Variants in TENT2 observed in about 807,000 individuals in gnomAD.
TENT2 encodes terminal nucleotidyltransferase 2.
TENT2 carries 44 observed loss-of-function variants against 72.2 expected under a neutral mutation model. The ratio of observed to expected loss-of-function variants is 0.61; its 90% CI spans 0.48 to 0.78. The LOEUF (loss-of-function observed/expected upper bound fraction) is 0.78, where lower values mean the gene tolerates loss of function less well. TENT2 is among the 30% of genes least tolerant of loss of function. The probability of loss-of-function intolerance (pLI) is 0.00; values close to 1 mark genes in which losing one functional copy is unlikely to be tolerated. For synonymous variants in TENT2, 212 were observed against 192.5 expected (o/e 1.10, Z -0.84); for missense variants, 541 against 569.6 (o/e 0.95, Z 0.51).
chr5:79,619,718 A>T lies in TENT2; in HGVS notation c.70A>T (p.Thr24Ser). 1 of 1,613,852 alleles carries T rather than the reference A, an allele frequency of 6.2e-7. No individual in the cohort carries two copies. The highest frequency in any genetic ancestry group is 8.5e-7 in the Non-Finnish European group (1 of 1,179,850). The change falls in exon 2 of 15, where the codon ACC becomes TCC. Residue 24 changes from threonine (T) to serine (S), a missense_variant. Transcript: ENST00000453514. ...PNHQQHNNFF[T>S]LSPTVYSHQQ... ...TCATCAACAACATAATAACTTCTTT[A>T]CCCTGTCACCTACTGTTTATTCACA...
intron 4 of TENT2, among the ~76,000 whole-genome samples, chr5:79,631,667 T>C (rs951720328): frequency 2.0e-5 from 3 of 152,158 alleles, no homozygotes; most frequent in Admixed American, 6.5e-5. Flanking sequence ...GCAAAAGGTG[T>C]GAAGTTAGGA....
rs919582921 is a variant in TENT2, at chr5:79,685,988, G to T, written c.*715G>T. 2.0e-5 allele frequency: 3 copies of T among 152,558 alleles called. No homozygotes were observed. The highest frequency in any genetic ancestry group is 7.2e-5 in the African/African-American group (3 of 41,420). The allele number at this position is 152,558 out of a possible 1,614,324, so 9.5% of individuals were successfully genotyped here. ...ACAACAGTTAGTGAATCGTTTTAAA[G>T]AATCAGTTCAGTGTAGACATTTTGA... On this transcript the variant is annotated 3_prime_UTR_variant, in exon 15 of 15. Coordinates refer to ENST00000453514, the MANE Select transcript of TENT2 (RefSeq NM_001114394.3).
At chr5:79,676,174 A>G (rs1334545897) in intron 12 of TENT2, among the ~76,000 whole-genome samples, 1 of 150,640 alleles carries the variant, frequency 6.6e-6, no homozygotes, top group Non-Finnish European at 1.5e-5. Context: ...ACACACACAC[A>G]CACACACACA....
At position 79,668,990 on chromosome 5, in the gene TENT2, C is replaced by A; in HGVS notation, c.1170C>A (p.Leu390=). Residue 390 remains leucine (L), a synonymous_variant, in exon 12 of 15, where the codon CTC becomes CTA. Coordinates refer to ENST00000453514, the MANE Select transcript of TENT2 (RefSeq NM_001114394.3). Reference sequence around the variant, plus strand: ...AGAATGAATCAAACCTTGGGGACCTCTTACTGGGCTTTCTTAAATATTATG... The same window carrying A: ...AGAATGAATCAAACCTTGGGGACCTATTACTGGGCTTTCTTAAATATTATG... ...LSKNESNLGD[L]LLGFLKYYAT... is the part of the protein sequence containing the mutation. 1 of 1,613,814 alleles carries A rather than the reference C, an allele frequency of 6.2e-7. No homozygotes were observed.
chr5:79,617,987 T>C (rs1172969814), intron 1 of TENT2, among the ~76,000 whole-genome samples: 10 of 152,222 alleles, frequency 6.6e-5, no homozygotes. Flanking sequence ...CTTTCAGTCT[T>C]TGGCATTTTT....
At chr5:79,679,535 AATT>A (rs752771944) in intron 12 of TENT2, 41 bp from the exon 13 acceptor site, 2 of 1,395,122 alleles carry the variant, frequency 1.4e-6, no homozygotes, top group African/African-American at 2.9e-5. Context: ...ATATAAGAGA[AATT>A]ATGAAAATAG....
intron 11 of TENT2, among the ~76,000 whole-genome samples, chr5:79,665,750 A>C (rs1807070880): frequency 6.6e-6 from 1 of 152,130 alleles, no homozygotes; most frequent in Non-Finnish European, 1.5e-5. Flanking sequence ...TGTAACCCAA[A>C]AATTTATTTA....
At chr5:79,669,132 C>A in intron 12 of TENT2, 104 bp downstream of exon 12, 1 of 1,361,372 alleles carries the variant, frequency 7.3e-7, no homozygotes, top group South Asian at 1.6e-5. Context: ...CAGATTTAGT[C>A]AGGAGCTGTG....
intron 8 of TENT2, 118 bp from the exon 9 acceptor site, chr5:79,648,499 C>T: frequency 1.5e-6 from 1 of 673,892 alleles, no homozygotes; most frequent in Non-Finnish European, 2.5e-6. Flanking sequence ...GATCTATGGC[C>T]TTTGGGCCCA....
chr5:79,672,578 GTC>G (rs1813778483), intron 12 of TENT2, among the ~76,000 whole-genome samples: 1 of 152,162 alleles, frequency 6.6e-6, no homozygotes, highest in African/African-American at 2.4e-5. Context: ...GTCTTTGTGT[GTC>G]TGGCTTATTT....
At chr5:79,617,295 A>G (rs1761038765) in intron 1 of TENT2, among the ~76,000 whole-genome samples, 1 of 151,542 alleles carries the variant, frequency 6.6e-6, no homozygotes, top group East Asian at 1.9e-4. Context: ...AATATATAAT[A>G]AATTTTATAT....
In TENT2 at chr5:79,668,783, G is replaced by A; in HGVS notation, c.1072-109G>A. 5 of 1,332,384 alleles carry A rather than the reference G, an allele frequency of 3.8e-6. No individual in the cohort carries two copies. The South Asian group carries it at 6.5e-5, about 17-fold the overall frequency. The allele number at this position is 1,332,384 out of a possible 1,614,324, so 82.5% of individuals were successfully genotyped here. On this transcript the variant is annotated intron_variant, in intron 11 of 14. Coordinates refer to ENST00000453514, the MANE Select transcript of TENT2 (RefSeq NM_001114394.3). Reference sequence around the variant, plus strand: ...TCAGGTTTCCAAATTGCCAAATAGAGTAAATTTCTTCTCTCTTTTTCAAAG... The same window carrying A: ...TCAGGTTTCCAAATTGCCAAATAGAATAAATTTCTTCTCTCTTTTTCAAAG...
intron 12 of TENT2, among the ~76,000 whole-genome samples, chr5:79,677,877 G>T (rs1375576499): frequency 6.6e-6 from 1 of 152,158 alleles, no homozygotes; most frequent in Admixed American, 6.5e-5. Context: ...ACAGCTTACT[G>T]CAGCCTCAAC....
intron 1 of TENT2, among the ~76,000 whole-genome samples, chr5:79,617,186 G>GA (rs1760926683): frequency 6.6e-6 from 1 of 150,692 alleles, no homozygotes. Context: ...TATTTTTACT[G>GA]AAAATGAGAA....
intron 10 of TENT2, 76 bp from the exon 11 acceptor site, chr5:79,656,882 G>A (rs1798342300): frequency 9.7e-7 from 1 of 1,031,512 alleles, no homozygotes; most frequent in Non-Finnish European, 1.5e-6. Context: ...TTATACCTGG[G>A]ATGTAGCTGA....
At chr5:79,624,111 C>G (rs996316491) in intron 4 of TENT2, among the ~76,000 whole-genome samples, 1 of 152,092 alleles carries the variant, frequency 6.6e-6, no homozygotes, top group Non-Finnish European at 1.5e-5. Flanking sequence ...AAAAAATCAC[C>G]TTCTAGGTAA....
chr5:79,681,631 CT>C (rs1447346509), intron 13 of TENT2: 4 of 163,702 alleles, frequency 2.4e-5, no homozygotes, highest in African/African-American at 9.6e-5. Context: ...CGATATAATG[CT>C]TTCTTCTTTT....
rs751793561 is a variant in TENT2, at chr5:79,640,975, C to G, written c.580+10C>G. ...CAGCTGTTATTTCCACGTATGTTTC[C>G]CTATTTTGCATGTCCTTTAGGTATA... On this transcript the variant is annotated intron_variant, in intron 5 of 14. Transcript: ENST00000453514. 6.3e-7 allele frequency: 1 copy of G among 1,589,870 alleles called. No individual in the cohort carries two copies. Among genetic ancestry groups the G allele is most frequent in the Non-Finnish European group, 8.6e-7 (1 of 1,168,948 alleles).
intron 12 of TENT2, among the ~76,000 whole-genome samples, chr5:79,675,359 A>G (rs893131657): frequency 6.6e-6 from 1 of 152,202 alleles, no homozygotes; most frequent in Non-Finnish European, 1.5e-5. Flanking sequence ...AGTAGGAATT[A>G]TCTTTGGATT....
Sources: allele counts gnomAD v4.1 joint callset (sites outside exome capture counted in the v4.1 genomes callset), GRCh38; gene constraint gnomAD v4.1.1; transcripts MANE v1.5; gene names NCBI Gene and HGNC (gene_info 2026-07-23, HGNC 2026-07-21).